ZNF652: variants seen among roughly 807,000 people sequenced by gnomAD.
ZNF652 encodes the protein zinc finger protein 652.
ZNF652 carries 16 observed loss-of-function variants against 45.2 expected under a neutral mutation model. The ratio of observed to expected loss-of-function variants is 0.35; its 90% confidence interval spans 0.24 to 0.54. ZNF652 has a LOEUF of 0.54. Ranked by LOEUF, ZNF652 falls within the 20% of genes least tolerant of loss-of-function variation. The pLI is 0.91. For missense variants in ZNF652, 614 were observed against 765.6 expected (o/e 0.80, Z 2.34); for synonymous variants, 250 against 260.6 (o/e 0.96, Z 0.39).
chr17:49,321,357 G>A (rs546312945), intron 1 of ZNF652, among the ~76,000 whole-genome samples: 31 of 150,954 alleles, frequency 2.1e-4, no homozygotes, highest in Non-Finnish European at 3.8e-4. Flanking sequence ...TCTGCCTCCC[G>A]GGTTCAAGTG....
At chr17:49,349,612 T>C (rs932955600) in intron 1 of ZNF652, among the ~76,000 whole-genome samples, 1 of 152,216 alleles carries the variant, frequency 6.6e-6, no homozygotes, top group Non-Finnish European at 1.5e-5. Context: ...CATGAAACCA[T>C]CCTGCAGAGA....
intron 5 of ZNF652, among the ~76,000 whole-genome samples, chr17:49,302,529 C>T (rs2069568080): frequency 1.3e-5 from 2 of 151,902 alleles, no homozygotes; most frequent in Non-Finnish European, 2.9e-5. Flanking sequence ...ACCTTGTAAT[C>T]TGCCCGCCTC....
intron 5 of ZNF652, among the ~76,000 whole-genome samples, chr17:49,304,668 T>C (rs1598284702): frequency 2.0e-5 from 3 of 152,136 alleles, no homozygotes; most frequent in African/African-American, 7.2e-5. Context: ...AACTGTTACA[T>C]GTAGATAAAG....
At chr17:49,326,323 A>G (rs956000916) in intron 1 of ZNF652, among the ~76,000 whole-genome samples, 13 of 152,110 alleles carry the variant, frequency 8.5e-5, no homozygotes, top group African/African-American at 3.1e-4. Flanking sequence ...ACAGGAGACA[A>G]GCAAAAAGCC....
chr17:49,299,177 G>A (rs1834412328), intron 5 of ZNF652, among the ~76,000 whole-genome samples: 1 of 151,938 alleles, frequency 6.6e-6, no homozygotes, highest in Non-Finnish European at 1.5e-5. Flanking sequence ...ACAGATCACA[G>A]TAGATACAAC....
intron 1 of ZNF652, among the ~76,000 whole-genome samples, chr17:49,338,722 T>C (rs1304763620): frequency 1.3e-5 from 2 of 152,060 alleles, no homozygotes; most frequent in African/African-American, 2.4e-5. Context: ...ATTTAGGAGA[T>C]ATCAGCAAAC....
At chr17:49,324,941 A>C (rs1045575687) in intron 1 of ZNF652, among the ~76,000 whole-genome samples, 1 of 150,766 alleles carries the variant, frequency 6.6e-6, no homozygotes, top group Non-Finnish European at 1.5e-5. Context: ...AGGTTTTACC[A>C]TGTTGGCCAG....
chr17:49,349,414 A>AG, intron 1 of ZNF652, among the ~76,000 whole-genome samples: 1 of 152,268 alleles, frequency 6.6e-6, no homozygotes, highest in South Asian at 2.1e-4. Context: ...AGAAAAAAAA[A>AG]CAACAAAACA....
chr17:49,353,521 G>A (rs936778792), intron 1 of ZNF652, among the ~76,000 whole-genome samples: 2 of 151,868 alleles, frequency 1.3e-5, no homozygotes, highest in Non-Finnish European at 2.9e-5. Flanking sequence ...CTGTCACCCG[G>A]GCTAGAGTGA....
chr17:49,318,933 G>C (rs2069848927), intron 1 of ZNF652, among the ~76,000 whole-genome samples: 1 of 152,124 alleles, frequency 6.6e-6, no homozygotes, highest in Admixed American at 6.6e-5. Context: ...TTTCAAAGTT[G>C]CCAAATATTT....
At chr17:49,303,053 C>T (rs2069576133) in intron 5 of ZNF652, among the ~76,000 whole-genome samples, 1 of 150,250 alleles carries the variant, frequency 6.7e-6, no homozygotes, top group Non-Finnish European at 1.5e-5. Flanking sequence ...AGGCCAGCCA[C>T]AGTGGCTCAC....
intron 5 of ZNF652, among the ~76,000 whole-genome samples, chr17:49,306,172 CTGAA>C (rs530140408): frequency 1.3e-5 from 2 of 152,084 alleles, no homozygotes; most frequent in South Asian, 4.1e-4. Context: ...TTTGGACACT[CTGAA>C]TAATATTAAA....
rs1417448889 is a variant in ZNF652 at position 49,316,979 on chromosome 17, C to T, written c.747G>A (p.Lys249=). The part of the protein sequence containing the change: ...CEEKETLTCE[K]CPRVFNTRWY... The stretch of plus-strand genomic sequence containing the variant: ...AGCGAGTGTTAAATACCCTGGGGCA[C>T]TTCTCACAGGTCAGAGTCTCTTTCT... The change falls in exon 2 of 6, where the codon AAG becomes AAA. Residue 249 remains lysine, a synonymous_variant. Transcript: ENST00000430262. 6.2e-7 allele frequency: 1 copy of T among 1,614,190 alleles called. No individual in the cohort carries two copies.
chr17:49,347,436 G>A (rs926377635), intron 1 of ZNF652, among the ~76,000 whole-genome samples: 5 of 151,998 alleles, frequency 3.3e-5, no homozygotes, highest in Admixed American at 2.6e-4. Flanking sequence ...GTGATGGCAC[G>A]TGCCTGTGGT....
chr17:49,352,061 T>A (rs1042774248), intron 1 of ZNF652, among the ~76,000 whole-genome samples: 10 of 152,208 alleles, frequency 6.6e-5, no homozygotes, highest in African/African-American at 2.2e-4. Context: ...GTTGTCAATG[T>A]TAACTGCAAT....
At chr17:49,304,085 A>C in intron 5 of ZNF652, among the ~76,000 whole-genome samples, 1 of 90,230 alleles carries the variant, frequency 1.1e-5, no homozygotes, top group African/African-American at 4.0e-5. Flanking sequence ...TATTTTTAGT[A>C]GAGGCAGGGT....
Position 49,291,288 on chromosome 17 carries a change from GTTCA to G in ZNF652, c.*7121_*7124del, listed in dbSNP as rs2069401712. The G allele has an allele frequency of 6.6e-6, 1 of 152,220 alleles. No individual in the cohort carries two copies. Among genetic ancestry groups the G allele is most frequent in the Non-Finnish European group, 1.5e-5 (1 of 68,068 alleles). 9.4% of individuals were successfully genotyped at this position (152,220 alleles called of 1,614,324 possible). ...AAAAGACAGGTAGGGAGGAAGCTGT[GTTCA>G]TTCAGAGGAGCTGGATATTCCAGAA... On this transcript the variant is annotated 3_prime_UTR_variant, in exon 6 of 6. Coordinates refer to ENST00000430262, the MANE Select transcript of ZNF652 (RefSeq NM_001145365.3).
chr17:49,317,759 CTATAAAGA>C lies in ZNF652; in HGVS notation c.-42_-35del. 1.3e-6 allele frequency: 2 copies of C among 1,509,664 alleles called. No homozygotes were observed. Among genetic ancestry groups the C allele is most frequent in the Non-Finnish European group, 1.8e-6 (2 of 1,128,498 alleles). 93.5% of individuals were successfully genotyped at this position (1,509,664 alleles called of 1,614,324 possible). A position where few individuals can be genotyped will look rare whatever the true frequency, so the allele number is the denominator to read the frequency against. On this transcript the variant is annotated 5_prime_UTR_variant, in exon 2 of 6. Transcript: ENST00000430262. ...GGCCCAATTTATTAAACAGTTCAGA[CTATAAAGA>C]AATAGCTTTAAAACAAGGTAATTAT...
chr17:49,328,419 G>A (rs1182698733), intron 1 of ZNF652, among the ~76,000 whole-genome samples: 27 of 152,074 alleles, frequency 1.8e-4, no homozygotes, highest in Admixed American at 1.8e-3. Context: ...GATATGGTTT[G>A]GATGTTTTGT....
Sources: gnomAD v4.1 joint callset for allele counts (sites outside exome capture counted in the v4.1 genomes callset) on GRCh38, gnomAD v4.1.1 for gene constraint, MANE v1.5 for transcripts, NCBI Gene and HGNC (gene_info 2026-07-23, HGNC 2026-07-21) for gene names.